GALNT17: variants seen among roughly 807,000 people sequenced by gnomAD.
GALNT17 encodes polypeptide N-acetylgalactosaminyltransferase 17.
GALNT17 carries 29 observed loss-of-function variants against 63.7 expected under a neutral mutation model. The ratio of observed to expected loss-of-function variants is 0.46; its 90% CI spans 0.34 to 0.62. The LOEUF (loss-of-function observed/expected upper bound fraction) is 0.62, where lower values mean the gene tolerates loss of function less well. Ranked by LOEUF, GALNT17 falls within the 20% of genes least tolerant of loss-of-function variation. GALNT17 has a pLI of 0.01. For missense variants in GALNT17, 603 were observed against 799.6 expected, an observed-to-expected ratio of 0.75 and a Z score of 2.97; for synonymous variants, 305 against 318.3, an observed-to-expected ratio of 0.96 and a Z score of 0.45.
At chr7:71,332,498 T>C (rs999733914) in intron 1 of GALNT17, among the ~76,000 whole-genome samples, 2 of 152,178 alleles carry the variant, frequency 1.3e-5, no homozygotes, top group African/African-American at 2.4e-5. Flanking sequence ...CTTGAGGAGT[T>C]TCCCTTTCTT....
At chr7:71,162,218 ACTTTCGTTATT>A (rs1475404057) in intron 1 of GALNT17, among the ~76,000 whole-genome samples, 4 of 144,474 alleles carry the variant, frequency 2.8e-5, no homozygotes, top group Non-Finnish European at 6.0e-5. Context: ...TGGAATTCTT[ACTTTCGTTATT>A]CTTTCAAAGA....
intron 5 of GALNT17, among the ~76,000 whole-genome samples, chr7:71,441,691 G>C (rs1210354651): frequency 6.6e-6 from 1 of 152,040 alleles, no homozygotes; most frequent in East Asian, 1.9e-4. Context: ...CTGTGTCCAT[G>C]TGTTCTCATT....
intron 1 of GALNT17, among the ~76,000 whole-genome samples, chr7:71,177,992 A>G (rs1046714645): frequency 6.6e-5 from 10 of 152,236 alleles, no homozygotes; most frequent in African/African-American, 2.4e-4. Context: ...CACTGTATAC[A>G]TTTTATGTCC....
At chr7:71,584,023 T>A (rs982078524) in intron 6 of GALNT17, among the ~76,000 whole-genome samples, 1 of 151,534 alleles carries the variant, frequency 6.6e-6, no homozygotes, top group Non-Finnish European at 1.5e-5. Context: ...TCCCAGCTGC[T>A]CGGGAGGCTG....
At chr7:71,551,772 AAGAGAG>A (rs10557937) in intron 5 of GALNT17, among the ~76,000 whole-genome samples, 38,179 of 110,550 alleles carry the variant, frequency 0.35, 4,584 homozygotes, top group Non-Finnish European at 0.41. Flanking sequence ...AAAAAAAAAA[AAGAGAG>A]AGAGAGAGAG....
chr7:71,627,954 CAA>C (rs1790398069), intron 6 of GALNT17, among the ~76,000 whole-genome samples: 1 of 151,912 alleles, frequency 6.6e-6, no homozygotes, highest in African/African-American at 2.4e-5. Flanking sequence ...AAGGGGGGTG[CAA>C]AAGAGTATTA....
chr7:71,487,819 C>T (rs959388622), intron 5 of GALNT17, among the ~76,000 whole-genome samples: 3 of 152,078 alleles, frequency 2.0e-5, no homozygotes, highest in African/African-American at 4.8e-5. Context: ...CATCCTGGTC[C>T]AGGTACTGGC....
At chr7:71,547,079 C>T (rs977777669) in intron 5 of GALNT17, among the ~76,000 whole-genome samples, 4 of 151,992 alleles carry the variant, frequency 2.6e-5, no homozygotes, top group Non-Finnish European at 4.4e-5. Flanking sequence ...GCAACCTCTG[C>T]CTCCTGGTTT....
chr7:71,170,748 T>A (rs1049548857), intron 1 of GALNT17, among the ~76,000 whole-genome samples: 1 of 152,178 alleles, frequency 6.6e-6, no homozygotes, highest in African/African-American at 2.4e-5. Context: ...GATGGCTGAT[T>A]GGGAGTTAAA....
At chr7:71,215,549 C>G (rs1244084041) in intron 1 of GALNT17, among the ~76,000 whole-genome samples, 1 of 152,078 alleles carries the variant, frequency 6.6e-6, no homozygotes, top group Non-Finnish European at 1.5e-5. Context: ...CCCCCACAGA[C>G]CCCATCTGTC....
chr7:71,471,298 G>A (rs556548419), intron 5 of GALNT17, among the ~76,000 whole-genome samples: 124 of 148,906 alleles, frequency 8.3e-4, no homozygotes, highest in Middle Eastern at 3.6e-3. Flanking sequence ...GCTGGTCTCC[G>A]AACTGCTGGA....
intron 5 of GALNT17, among the ~76,000 whole-genome samples, chr7:71,565,280 T>A (rs1037513092): frequency 7.0e-6 from 1 of 143,324 alleles, no homozygotes; most frequent in Non-Finnish European, 1.5e-5. Flanking sequence ...AAAAAAAAAA[T>A]CAGGCTCCTG....
At position 71,626,937 on chromosome 7, in the gene GALNT17, C is replaced by A. The variant is rs56838898; in HGVS notation, c.1081-38474C>A. 3.0e-3 allele frequency among the ~76,000 whole-genome samples: 461 copies of A among 152,306 alleles called. 5 individuals are homozygous for A. The highest frequency in any genetic ancestry group is 0.011 in the African/African-American group (450 of 41,570). ...GTCTCAATGGCCAGGACTGGGCGCC[C>A]CAGGAACCTCAGGCCTTTCTGCATC... On this transcript the variant is annotated intron_variant, in intron 6 of 10. Transcript: ENST00000333538.
At chr7:71,701,118 A>T (rs1791624886) in intron 9 of GALNT17, among the ~76,000 whole-genome samples, 1 of 152,192 alleles carries the variant, frequency 6.6e-6, no homozygotes, top group Non-Finnish European at 1.5e-5. Context: ...AGAGAAGTAA[A>T]GCAAGGAGAA....
chr7:71,438,323 G>T (rs1331556957), intron 5 of GALNT17, among the ~76,000 whole-genome samples: 2 of 152,168 alleles, frequency 1.3e-5, no homozygotes, highest in Non-Finnish European at 2.9e-5. Flanking sequence ...AGTCTGGGAG[G>T]CTAAGCTAGT....
At chr7:71,663,252 G>C (rs989582778) in intron 6 of GALNT17, among the ~76,000 whole-genome samples, 2 of 152,128 alleles carry the variant, frequency 1.3e-5, no homozygotes, top group African/African-American at 4.8e-5. Flanking sequence ...TTTTTATAGG[G>C]ATTGTGTTGA....
At chr7:71,314,282 T>C (rs903263500) in intron 1 of GALNT17, among the ~76,000 whole-genome samples, 1 of 152,114 alleles carries the variant, frequency 6.6e-6, no homozygotes, top group Non-Finnish European at 1.5e-5. Flanking sequence ...TCCGTGTCCA[T>C]GACACAAAAC....
At chr7:71,342,269 A>G (rs1792018128) in intron 2 of GALNT17, among the ~76,000 whole-genome samples, 1 of 152,182 alleles carries the variant, frequency 6.6e-6, no homozygotes, top group African/African-American at 2.4e-5. Flanking sequence ...AGCCTGTCAC[A>G]TGGCAAGAGT....
In GALNT17 at chr7:71,389,507, C is replaced by T. The variant is rs560526137; in HGVS notation, c.589+1106C>T. 2.6e-5 allele frequency among the ~76,000 whole-genome samples: 4 copies of T among 152,186 alleles called. No individual in the cohort carries two copies. In the East Asian group the frequency reaches 5.8e-4, roughly 22 times the overall value. On this transcript the variant is annotated intron_variant, in intron 3 of 10. Coordinates refer to ENST00000333538, the MANE Select transcript of GALNT17 (RefSeq NM_022479.3). ...AATAGTTTCATCCTGAAACCATCTC[C>T]CCTGACCCCCATGTTCCATGGAAAA...
Sources: gnomAD v4.1 joint callset for allele counts (sites outside exome capture counted in the v4.1 genomes callset) on GRCh38, gnomAD v4.1.1 for gene constraint, MANE v1.5 for transcripts, NCBI Gene and HGNC (gene_info 2026-07-23, HGNC 2026-07-21) for gene names.